SLC41A2: variants seen among roughly 807,000 people sequenced by gnomAD.
SLC41A2 encodes solute carrier family 41 member 2.
SLC41A2 carries 32 observed loss-of-function variants against 58.3 expected under a neutral mutation model. That is an observed-to-expected ratio of 0.55 (90% CI 0.41 to 0.74). The LOEUF (loss-of-function observed/expected upper bound fraction) is 0.74. Ranked by LOEUF, SLC41A2 falls within the 30% of genes least tolerant of loss-of-function variation. The pLI is 0.00. For synonymous variants in SLC41A2, 190 were observed against 235.0 expected, an observed-to-expected ratio of 0.81 and a Z score of 1.75; for missense variants, 514 against 680.6, an observed-to-expected ratio of 0.76 and a Z score of 2.72.
intron 4 of SLC41A2, among the ~76,000 whole-genome samples, chr12:104,889,644 T>C (rs987978087): frequency 6.6e-6 from 1 of 152,180 alleles, no homozygotes; most frequent in African/African-American, 2.4e-5. Context: ...TTTATTTAGA[T>C]TCTACTATGT....
intron 8 of SLC41A2, among the ~76,000 whole-genome samples, chr12:104,853,911 A>ATTATTATTTTTTTTTTTTTTTTTT: frequency 1.2e-4 from 7 of 59,502 alleles, no homozygotes; most frequent in South Asian, 5.0e-4. Context: ...TGCCTGGCTG[A>ATTATTATTTTTTTTTTTTTTTTTT]TTTTTTTTTT....
At chr12:104,825,475 A>T (rs78615144) in intron 10 of SLC41A2, among the ~76,000 whole-genome samples, 1,928 of 152,306 alleles carry the variant, frequency 0.013, 51 homozygotes, top group African/African-American at 0.044. Flanking sequence ...ACCCAGTTGC[A>T]CTAAGCAAGG....
intron 1 of SLC41A2, among the ~76,000 whole-genome samples, chr12:104,944,846 C>T (rs2047649736): frequency 6.8e-6 from 1 of 147,822 alleles, no homozygotes; most frequent in African/African-American, 2.5e-5. Flanking sequence ...TAATTTTTTT[C>T]ATAAGAGTAA....
intron 6 of SLC41A2, among the ~76,000 whole-genome samples, chr12:104,870,360 TA>T (rs2043707127): frequency 6.6e-6 from 1 of 152,240 alleles, no homozygotes; most frequent in African/African-American, 2.4e-5. Flanking sequence ...TATTCCTATA[TA>T]ACTCATTTTG....
chr12:104,942,443 A>G (rs1036316416), intron 1 of SLC41A2, among the ~76,000 whole-genome samples: 2 of 148,750 alleles, frequency 1.3e-5, no homozygotes, highest in South Asian at 4.3e-4. Context: ...ATATCACTGC[A>G]CTCCAGCCTG....
At chr12:104,805,595 T>A (rs2040865172) in intron 10 of SLC41A2, among the ~76,000 whole-genome samples, 1 of 152,226 alleles carries the variant, frequency 6.6e-6, no homozygotes, top group East Asian at 1.9e-4. Flanking sequence ...ATAGCCATAA[T>A]AATTTGGATA....
At chr12:104,816,692 T>C (rs2041419708) in intron 10 of SLC41A2, among the ~76,000 whole-genome samples, 1 of 152,204 alleles carries the variant, frequency 6.6e-6, no homozygotes, top group South Asian at 2.1e-4. Flanking sequence ...TATCTGACTG[T>C]GGTACTAACA....
chr12:104,841,845 C>G (rs2042421406), intron 10 of SLC41A2, among the ~76,000 whole-genome samples: 1 of 151,972 alleles, frequency 6.6e-6, no homozygotes, highest in African/African-American at 2.4e-5. Context: ...ATAAAACCAG[C>G]CACTATATCA....
intron 2 of SLC41A2, among the ~76,000 whole-genome samples, chr12:104,911,828 G>T (rs886366930): frequency 6.0e-5 from 9 of 149,624 alleles, no homozygotes; most frequent in African/African-American, 2.2e-4. Flanking sequence ...GGTGGGGGGG[G>T]TTCAATGGCA....
intron 2 of SLC41A2, among the ~76,000 whole-genome samples, chr12:104,915,409 G>T (rs2046269475): frequency 6.6e-6 from 1 of 152,190 alleles, no homozygotes; most frequent in Non-Finnish European, 1.5e-5. Context: ...AGCATGGAAT[G>T]TTCTTCCATT....
At chr12:104,848,040 C>T (rs1271029983) in intron 8 of SLC41A2, among the ~76,000 whole-genome samples, 1 of 152,142 alleles carries the variant, frequency 6.6e-6, no homozygotes, top group African/African-American at 2.4e-5. Flanking sequence ...CAGCAGAATA[C>T]ATTTCACACA....
chr12:104,829,766 A>G (rs986461834), intron 10 of SLC41A2, among the ~76,000 whole-genome samples: 1 of 152,196 alleles, frequency 6.6e-6, no homozygotes, highest in African/African-American at 2.4e-5. Flanking sequence ...ATCTAGCCCT[A>G]TATGGCCCAC....
intron 2 of SLC41A2, among the ~76,000 whole-genome samples, chr12:104,920,103 C>T (rs1234738092): frequency 2.6e-5 from 4 of 152,210 alleles, no homozygotes; most frequent in African/African-American, 4.8e-5. Flanking sequence ...TTTGGCACCT[C>T]TGTCAAAAAT....
chr12:104,819,750 C>T (rs1241481889), intron 10 of SLC41A2, among the ~76,000 whole-genome samples: 1 of 152,210 alleles, frequency 6.6e-6, no homozygotes, highest in Non-Finnish European at 1.5e-5. Flanking sequence ...AGGGTTCCAG[C>T]TAGAGATTAG....
chr12:104,879,284 C>A (rs1341146505), intron 6 of SLC41A2, among the ~76,000 whole-genome samples: 1 of 152,166 alleles, frequency 6.6e-6, no homozygotes, highest in African/African-American at 2.4e-5. Flanking sequence ...ATGGTAGTTT[C>A]TTTTGCTGTG....
intron 10 of SLC41A2, among the ~76,000 whole-genome samples, chr12:104,822,847 A>G (rs1450879870): frequency 6.6e-6 from 1 of 152,172 alleles, no homozygotes; most frequent in Non-Finnish European, 1.5e-5. Flanking sequence ...CTCCTTTGAC[A>G]TAAAAAAGGT....
At chr12:104,808,614 A>G (rs915788079) in intron 10 of SLC41A2, among the ~76,000 whole-genome samples, 91 of 152,090 alleles carry the variant, frequency 6.0e-4, no homozygotes, top group African/African-American at 2.1e-3. Context: ...CTCTTTTTCT[A>G]TTGATTGGAA....
chr12:104,888,365 A>G (rs1425252647), intron 5 of SLC41A2, among the ~76,000 whole-genome samples: 1 of 142,548 alleles, frequency 7.0e-6, no homozygotes, highest in African/African-American at 3.1e-5. Flanking sequence ...TGCTGGTGAT[A>G]TAAGGGCAAG....
chr12:104,828,664 A>G (rs1467790315), intron 10 of SLC41A2, among the ~76,000 whole-genome samples: 1 of 152,142 alleles, frequency 6.6e-6, no homozygotes, highest in Admixed American at 6.5e-5. Context: ...TGAGGGGGAC[A>G]AGGAACGTTT....
Sources: gnomAD v4.1 joint callset for allele counts (sites outside exome capture counted in the v4.1 genomes callset) on GRCh38, gnomAD v4.1.1 for gene constraint, MANE v1.5 for transcripts, NCBI Gene and HGNC (gene_info 2026-07-23, HGNC 2026-07-21) for gene names.